SORCS3: variants seen among roughly 807,000 people sequenced by gnomAD.
SORCS3 encodes the protein sortilin related VPS10 domain containing receptor 3.
A neutral mutation model predicts 146.3 loss-of-function variants in SORCS3; 57 were observed. The observed-to-expected ratio is 0.39, with a 90% CI of 0.31 to 0.49. SORCS3 has a LOEUF of 0.49. Ranked by LOEUF, SORCS3 falls within the 20% of genes least tolerant of loss-of-function variation. The probability of loss-of-function intolerance (pLI) is 0.92; values close to 1 mark genes in which losing one functional copy is unlikely to be tolerated. For missense variants in SORCS3, 1,341 were observed against 1,575.5 expected (o/e 0.85, Z 2.52); for synonymous variants, 653 against 618.5 (o/e 1.06, Z -0.83).
At position 105,030,595 on chromosome 10, in the gene SORCS3, CT is replaced by C. The variant is rs34314523; in HGVS notation, c.955-12446del. ...CTCTCCAAAGAAGATGCTGAAGATCCTTTTTTTTTTTTTTGAGACAGAGCTT... is the reference window on the plus strand; with the variant it reads ...CTCTCCAAAGAAGATGCTGAAGATCCTTTTTTTTTTTTTGAGACAGAGCTT... On this transcript the variant is annotated intron_variant, in intron 4 of 26. Transcript: ENST00000369701. 9.8e-3 allele frequency among the ~76,000 whole-genome samples: 1,408 copies of C among 143,934 alleles called. 4 individuals are homozygous for C. Among genetic ancestry groups the C allele is most frequent in the Middle Eastern group, 0.018 (5 of 282 alleles). The allele number at this position is 143,934 out of a possible 152,430, so 94.4% of individuals were successfully genotyped here. A position where few individuals can be genotyped will look rare whatever the true frequency, so the allele number is the denominator to read the frequency against.
chr10:104,803,282 A>G (rs570843505), intron 1 of SORCS3, among the ~76,000 whole-genome samples: 78 of 152,176 alleles, frequency 5.1e-4, no homozygotes, highest in Admixed American at 8.5e-4. Context: ...TCTGTTTCTA[A>G]AAGAAAGAGA....
intron 14 of SORCS3, among the ~76,000 whole-genome samples, chr10:105,189,023 G>T (rs903690306): frequency 6.6e-6 from 1 of 152,240 alleles, no homozygotes; most frequent in East Asian, 1.9e-4. Flanking sequence ...GGGAGAAGTT[G>T]TATGTAGCCA....
At chr10:104,944,163 C>A (rs532625540) in intron 3 of SORCS3, among the ~76,000 whole-genome samples, 1 of 152,190 alleles carries the variant, frequency 6.6e-6, no homozygotes, top group Admixed American at 6.5e-5. Context: ...ATTAAATATC[C>A]TAATATTAAA....
chr10:104,988,903 C>T (rs2054977938), intron 4 of SORCS3, among the ~76,000 whole-genome samples: 3 of 152,082 alleles, frequency 2.0e-5, no homozygotes, highest in Admixed American at 2.0e-4. Flanking sequence ...TAATTAGTAC[C>T]AGTCATTTAG....
At chr10:105,261,338 G>A (rs1018796308) in intron 25 of SORCS3, among the ~76,000 whole-genome samples, 5 of 152,170 alleles carry the variant, frequency 3.3e-5, no homozygotes, top group Non-Finnish European at 5.9e-5. Flanking sequence ...GGAACAGTTG[G>A]TTCTAAGTCC....
intron 1 of SORCS3, among the ~76,000 whole-genome samples, chr10:104,742,132 T>G (rs1352314758): frequency 6.6e-6 from 1 of 152,090 alleles, no homozygotes; most frequent in Non-Finnish European, 1.5e-5. Flanking sequence ...AGGTGCTACC[T>G]TGTTACTGCC....
At chr10:105,145,631 A>G (rs1172367528) in intron 8 of SORCS3, among the ~76,000 whole-genome samples, 1 of 152,036 alleles carries the variant, frequency 6.6e-6, no homozygotes, top group Admixed American at 6.6e-5. Flanking sequence ...TTCCCCTCCT[A>G]CTGGGTTCTT....
At chr10:104,650,454 G>C (rs563371062) in intron 1 of SORCS3, among the ~76,000 whole-genome samples, 10 of 152,274 alleles carry the variant, frequency 6.6e-5, no homozygotes, top group South Asian at 4.2e-4. Context: ...TCAATCCTGG[G>C]GGGGGCTGAT....
chr10:104,824,222 G>T (rs897772849), intron 1 of SORCS3, among the ~76,000 whole-genome samples: 2 of 152,108 alleles, frequency 1.3e-5, no homozygotes, highest in African/African-American at 4.8e-5. Context: ...TTACACACCT[G>T]GTATTTAAAA....
Position 104,990,507 on chromosome 10 carries a change from G to T in SORCS3, c.954+13014G>T, listed in dbSNP as rs190454591. On this transcript the variant is annotated intron_variant, in intron 4 of 26. Coordinates refer to ENST00000369701, the MANE Select transcript of SORCS3 (RefSeq NM_014978.3). ...GGAAGATTTGTGAGGTCAAGGATGG[G>T]GATCACAAAACCTAGGTTTCCACCC... Among the ~76,000 whole-genome samples, 571 of 151,978 alleles carry T rather than the reference G, an allele frequency of 3.8e-3. 3 individuals carry two copies. The highest frequency in any genetic ancestry group is 0.013 in the African/African-American group (544 of 41,432).
At chr10:104,853,949 A>C (rs1326803825) in intron 2 of SORCS3, among the ~76,000 whole-genome samples, 1 of 152,212 alleles carries the variant, frequency 6.6e-6, no homozygotes, top group Non-Finnish European at 1.5e-5. Context: ...GTTTTACCCC[A>C]TATTGGTGGA....
intron 13 of SORCS3, among the ~76,000 whole-genome samples, chr10:105,169,201 C>T (rs978281139): frequency 1.1e-4 from 16 of 152,224 alleles, no homozygotes; most frequent in African/African-American, 3.6e-4. Context: ...GCACCAAGTT[C>T]GATTTCTGTC....
intron 7 of SORCS3, among the ~76,000 whole-genome samples, chr10:105,124,905 T>G (rs1283413448): frequency 1.3e-5 from 2 of 152,224 alleles, no homozygotes; most frequent in African/African-American, 4.8e-5. Context: ...CAAGGCCTTC[T>G]GTCTGATTCT....
intron 2 of SORCS3, among the ~76,000 whole-genome samples, chr10:104,867,608 C>T (rs944136802): frequency 6.6e-6 from 1 of 152,112 alleles, no homozygotes; most frequent in Admixed American, 6.5e-5. Context: ...TGCACCTGGC[C>T]CAGTGTACAA....
intron 1 of SORCS3, among the ~76,000 whole-genome samples, chr10:104,698,543 A>C (rs749344196): frequency 7.9e-5 from 12 of 152,182 alleles, no homozygotes; most frequent in Non-Finnish European, 1.5e-4. Flanking sequence ...TCTTTAACAG[A>C]GGCACACACA....
chr10:104,790,593 T>C (rs1373630184), intron 1 of SORCS3, among the ~76,000 whole-genome samples: 8 of 152,352 alleles, frequency 5.3e-5, no homozygotes, highest in Non-Finnish European at 1.2e-4. Context: ...GTTGCATTGT[T>C]TGTCTCTTAG....
At chr10:104,990,959 G>A (rs937206218) in intron 4 of SORCS3, among the ~76,000 whole-genome samples, 1 of 152,144 alleles carries the variant, frequency 6.6e-6, no homozygotes, top group African/African-American at 2.4e-5. Flanking sequence ...GTGGAAATTT[G>A]TTACAGTAGC....
chr10:105,131,626 G>A (rs780451261), intron 7 of SORCS3, among the ~76,000 whole-genome samples: 7 of 152,120 alleles, frequency 4.6e-5, no homozygotes, highest in Non-Finnish European at 1.0e-4. Flanking sequence ...CCTGAGACTG[G>A]GGAATTTATA....
At chr10:104,735,525 T>G (rs1188898738) in intron 1 of SORCS3, among the ~76,000 whole-genome samples, 1 of 136,374 alleles carries the variant, frequency 7.3e-6, no homozygotes, top group Non-Finnish European at 1.5e-5. Context: ...TGCTCCCCAA[T>G]CCCCTCTGCC....
Sources: gnomAD v4.1 joint callset for allele counts (sites outside exome capture counted in the v4.1 genomes callset) on GRCh38, gnomAD v4.1.1 for gene constraint, MANE v1.5 for transcripts, NCBI Gene and HGNC (gene_info 2026-07-23, HGNC 2026-07-21) for gene names.